Variants in TNRC6B observed in about 807,000 individuals in gnomAD.
The protein encoded by TNRC6B is trinucleotide repeat containing adaptor 6B, also known as trinucleotide repeat-containing gene 6B protein.
In TNRC6B, 52 loss-of-function variants were observed where a neutral mutation model predicts 203.6. That is an observed-to-expected ratio of 0.26 (90% CI 0.20 to 0.32). The LOEUF is 0.32. Ranked by LOEUF, TNRC6B falls within the 10% of genes least tolerant of loss-of-function variation. TNRC6B has a pLI of 1.00. For missense variants in TNRC6B, 1,923 were observed against 2,286.2 expected, an observed-to-expected ratio of 0.84 and a Z score of 3.24; for synonymous variants, 838 against 845.7, an observed-to-expected ratio of 0.99 and a Z score of 0.16.
intron 1 of TNRC6B, among the ~76,000 whole-genome samples, chr22:40,220,170 C>T (rs1318384944): frequency 6.6e-6 from 1 of 152,084 alleles, no homozygotes; most frequent in East Asian, 1.9e-4. Context: ...TGTGGCTTCC[C>T]GAGCTCTGAA....
Position 40,308,668 on chromosome 22 carries a change from G to T in TNRC6B, c.4258+19G>T, listed in dbSNP as rs2071128349. The T allele has an allele frequency of 6.2e-7, 1 of 1,602,558 alleles. No homozygotes were observed. The highest frequency in any genetic ancestry group is 2.2e-5 in the East Asian group (1 of 44,770). On this transcript the variant is annotated intron_variant, in intron 16 of 22. Coordinates refer to ENST00000454349, the MANE Select transcript of TNRC6B (RefSeq NM_001162501.2). ...AAAAATGGTAAGAGAAGCACTGAAA[G>T]CTAGAGCCCCCAACCCACAGCAGGT... is the stretch of plus-strand genomic sequence containing the variant.
At position 40,265,818 on chromosome 22, in the gene TNRC6B, C is replaced by G; in HGVS notation, c.1588C>G (p.Gln530Glu). ...AATTGGAGAATGGAGTGGTCCAAAC[C>G]AACCAAATTCTAGCACTGGAGCATG... is the stretch of plus-strand genomic sequence containing the variant. ...LKIGEWSGPN[Q>E]PNSSTGAWDN... is the part of the protein sequence containing the mutation. The change falls in exon 5 of 23, where the codon CAA (glutamine) becomes GAA (glutamate). Residue 530 changes from glutamine to glutamate, a missense_variant. Gln to Glu is a conservative substitution (Grantham distance 29, BLOSUM62 2). This residue lies in a region of TNRC6B where 614 missense variants were observed against 587.7 expected (regional missense o/e 1.04). Transcript: ENST00000454349. 1.2e-6 allele frequency: 2 copies of G among 1,613,942 alleles called. No individual in the cohort carries two copies. Among genetic ancestry groups the G allele is most frequent in the Non-Finnish European group, 1.7e-6 (2 of 1,179,872 alleles).
rs2068493811 is a variant in TNRC6B, at chr22:40,126,441, C to T, written c.45+579C>T. On this transcript the variant is annotated intron_variant, in intron 3 of 23. Transcript: ENST00000301923. ...AGTCCCCAGTGTCCACCGTTTCCAT[C>T]TTTATGTCCACATGTACCCAGTGTT... Among the ~76,000 whole-genome samples, 5 of 152,062 alleles carry T rather than the reference C, an allele frequency of 3.3e-5. No homozygotes were observed. The South Asian group carries it at 1.0e-3, about 31-fold the overall frequency.
At chr22:40,079,637 G>C (rs1569253239) in intron 1 of TNRC6B, among the ~76,000 whole-genome samples, 1 of 150,482 alleles carries the variant, frequency 6.6e-6, no homozygotes, top group Non-Finnish European at 1.5e-5. Flanking sequence ...TATTTTTTTT[G>C]AGACAGGGTC....
chr22:40,248,345 T>C (rs2070138228), intron 2 of TNRC6B, among the ~76,000 whole-genome samples: 2 of 152,360 alleles, frequency 1.3e-5, no homozygotes, highest in African/African-American at 2.4e-5. Flanking sequence ...CTCTACTAAG[T>C]TGATACAAAA....
intron 11 of TNRC6B, among the ~76,000 whole-genome samples, chr22:40,281,580 G>A (rs1026744895): frequency 3.3e-5 from 5 of 151,850 alleles, no homozygotes; most frequent in African/African-American, 2.4e-5. Flanking sequence ...AAGAGGCTAC[G>A]TAAGTACCTT....
chr22:40,309,277 T>C (rs941881910), intron 16 of TNRC6B, among the ~76,000 whole-genome samples: 1 of 152,246 alleles, frequency 6.6e-6, no homozygotes, highest in African/African-American at 2.4e-5. Flanking sequence ...GTTTCAGTGT[T>C]TGTTTCATTT....
intron 2 of TNRC6B, among the ~76,000 whole-genome samples, chr22:40,118,042 G>A (rs1344906689): frequency 6.6e-6 from 1 of 152,136 alleles, no homozygotes; most frequent in East Asian, 1.9e-4. Context: ...AAAAATGATA[G>A]GACTTGCTAA....
At position 40,265,503 on chromosome 22, in the gene TNRC6B, T is replaced by C; in HGVS notation, c.1273T>C (p.Trp425Arg). ...TCGAAAGACTGGGAGTGTTGGATCTTGGGGTGCAGCTAGGGGGCCTTCTGG... is the reference window on the plus strand; with the variant it reads ...TCGAAAGACTGGGAGTGTTGGATCTCGGGGTGCAGCTAGGGGGCCTTCTGG... ...GDRKTGSVGS[W>R]GAARGPSGTD... The change falls in exon 5 of 23, where the codon TGG (tryptophan) becomes CGG (arginine). Residue 425 changes from tryptophan (W) to arginine (R), a missense_variant. Physicochemically the swap from Trp to Arg is moderately radical, Grantham distance 101. This residue lies in a region of TNRC6B where 614 missense variants were observed against 587.7 expected (regional missense o/e 1.04). Coordinates refer to ENST00000454349, the MANE Select transcript of TNRC6B (RefSeq NM_001162501.2). 6.2e-7 allele frequency: 1 copy of C among 1,613,814 alleles called. No individual in the cohort carries two copies.
At chr22:40,103,865 A>G (rs1200025520) in intron 1 of TNRC6B, among the ~76,000 whole-genome samples, 5 of 150,406 alleles carry the variant, frequency 3.3e-5, no homozygotes, top group Admixed American at 2.0e-4. Flanking sequence ...CTGGTCTCAA[A>G]CTCCTGACCT....
intron 1 of TNRC6B, chr22:40,106,634 T>A (rs1484760644): frequency 1.5e-5 from 11 of 733,248 alleles, no homozygotes; most frequent in Non-Finnish European, 2.7e-5. Context: ...TAGATTTGGG[T>A]ACCCCCAAGC....
At chr22:40,160,851 T>G (rs2068865982) in intron 4 of TNRC6B, among the ~76,000 whole-genome samples, 1 of 152,204 alleles carries the variant, frequency 6.6e-6, no homozygotes, top group Non-Finnish European at 1.5e-5. Context: ...ATTACAGGCA[T>G]GCACTATCAT....
chr22:40,222,153 G>A (rs1281509878), intron 1 of TNRC6B, among the ~76,000 whole-genome samples: 2 of 152,024 alleles, frequency 1.3e-5, no homozygotes, highest in Non-Finnish European at 2.9e-5. Context: ...GTAAAAATAG[G>A]GAGTCCCTGG....
In TNRC6B at chr22:40,335,216, T is replaced by C. The variant is rs2044020424; in HGVS notation, c.*11975T>C. The C allele has an allele frequency of 7.1e-6, 1 of 141,388 alleles. No individual in the cohort carries two copies. Among genetic ancestry groups the C allele is most frequent in the Non-Finnish European group, 1.5e-5 (1 of 65,398 alleles). 8.8% of individuals were successfully genotyped at this position (141,388 alleles called of 1,614,324 possible). A position where few individuals can be genotyped will look rare whatever the true frequency, so the allele number is the denominator to read the frequency against. On this transcript the variant is annotated 3_prime_UTR_variant, in exon 23 of 23. Coordinates refer to ENST00000454349, the MANE Select transcript of TNRC6B (RefSeq NM_001162501.2). ...GCATAGAGGTTTAATCAAACTCCCATATGTTGAAATTGCTCCTCATATTAC... is the reference window on the plus strand; with the variant it reads ...GCATAGAGGTTTAATCAAACTCCCACATGTTGAAATTGCTCCTCATATTAC...
chr22:40,264,416 T>C (rs1030912602), intron 4 of TNRC6B, among the ~76,000 whole-genome samples: 1 of 152,164 alleles, frequency 6.6e-6, no homozygotes, highest in Non-Finnish European at 1.5e-5. Flanking sequence ...TGCTATTGCC[T>C]TGTCCCAAGA....
At chr22:40,270,340 C>A (rs545498715) in intron 6 of TNRC6B, 60 bp downstream of exon 6, 1 of 1,314,946 alleles carries the variant, frequency 7.6e-7, no homozygotes, top group African/African-American at 1.6e-5. Context: ...TTAATTGAGA[C>A]GGAGTTTCAC....
chr22:40,264,677 C>CT lies in TNRC6B; in HGVS notation c.458-10dup. ...TTGAAGCTGTGATTAATAAGATGATCTGTTCCCCAGACTCAACCCTTGGAG... is the reference window on the plus strand; with the variant it reads ...TTGAAGCTGTGATTAATAAGATGATCTTGTTCCCCAGACTCAACCCTTGGAG... On this transcript the variant is annotated splice_polypyrimidine_tract_variant and intron_variant, in intron 4 of 22. Coordinates refer to ENST00000454349, the MANE Select transcript of TNRC6B (RefSeq NM_001162501.2). 6.4e-7 allele frequency: 1 copy of CT among 1,560,066 alleles called. No individual in the cohort carries two copies. The highest frequency in any genetic ancestry group is 8.7e-7 in the Non-Finnish European group (1 of 1,154,772).
At chr22:40,189,571 T>G (rs2069246623) in intron 1 of TNRC6B, among the ~76,000 whole-genome samples, 1 of 152,198 alleles carries the variant, frequency 6.6e-6, no homozygotes, top group South Asian at 2.1e-4. Flanking sequence ...CTACAGGATT[T>G]CTTAACGTCT....
chr22:40,314,389 C>T (rs2041555207), intron 19 of TNRC6B, among the ~76,000 whole-genome samples: 1 of 152,158 alleles, frequency 6.6e-6, no homozygotes, highest in South Asian at 2.1e-4. Flanking sequence ...ATTCTATTTA[C>T]TATCACAGTA....
Sources: allele counts gnomAD v4.1 joint callset (sites outside exome capture counted in the v4.1 genomes callset), GRCh38; gene constraint gnomAD v4.1.1; regional missense constraint gnomAD v4.1.1; transcripts MANE v1.5; gene names NCBI Gene and HGNC (gene_info 2026-07-23, HGNC 2026-07-21).